AP3S2: variants seen among roughly 807,000 people sequenced by gnomAD.
AP3S2 encodes the protein AP-3 complex subunit sigma-2.
A neutral mutation model predicts 23.4 loss-of-function variants in AP3S2; 22 were observed. The ratio of observed to expected loss-of-function variants is 0.94; its 90% CI spans 0.67 to 1.34. The LOEUF is 1.34. AP3S2 is among the 40% of genes most tolerant of loss of function. AP3S2 has a pLI of 0.00. For missense variants in AP3S2, 241 were observed against 236.9 expected (o/e 1.02, Z -0.11); for synonymous variants, 86 against 87.1 (o/e 0.99, Z 0.07).
chr15:89,835,329 G>T lies in AP3S2; in HGVS notation c.*186C>A. On this transcript the variant is annotated 3_prime_UTR_variant, in exon 6 of 6. Transcript: ENST00000336418. ...ATGACTGCACATGTGAGAACTGGGT[G>T]CACCCGAGCAGTGTCAATAGGAATC... 1.0e-6 allele frequency: 1 copy of T among 978,310 alleles called. No homozygotes were observed. Among genetic ancestry groups the T allele is most frequent in the Non-Finnish European group, 1.5e-6 (1 of 679,006 alleles). 60.6% of individuals were successfully genotyped at this position (978,310 alleles called of 1,614,324 possible).
intron 4 of AP3S2, among the ~76,000 whole-genome samples, chr15:89,853,078 T>A (rs1895698967): frequency 6.6e-6 from 1 of 152,312 alleles, no homozygotes; most frequent in Non-Finnish European, 1.5e-5. Context: ...TCAGTGTCAC[T>A]GAACTATCAT....
intron 1 of AP3S2, among the ~76,000 whole-genome samples, chr15:89,891,170 A>C (rs1024399270): frequency 1.3e-5 from 2 of 152,194 alleles, no homozygotes; most frequent in African/African-American, 4.8e-5. Flanking sequence ...ATAAAAAGGT[A>C]AACTACCAAT....
chr15:89,892,459 C>T (rs889837063), intron 1 of AP3S2, among the ~76,000 whole-genome samples: 2 of 152,008 alleles, frequency 1.3e-5, no homozygotes, highest in Admixed American at 6.6e-5. Context: ...ATTGCTTGAG[C>T]CCAGGAGTTC....
At chr15:89,867,923 G>C (rs1201927942) in intron 4 of AP3S2, among the ~76,000 whole-genome samples, 1 of 146,712 alleles carries the variant, frequency 6.8e-6, no homozygotes, top group Non-Finnish European at 1.5e-5. Context: ...AGGGAGGTGG[G>C]GGGGGTCAGC....
intron 3 of AP3S2, chr15:89,877,446 A>G (rs1239697697): frequency 2.1e-5 from 26 of 1,233,548 alleles, no homozygotes; most frequent in African/African-American, 3.1e-5. Context: ...TACACGTAAC[A>G]TAAAATTTAC....
At chr15:89,840,911 C>G (rs1455526267) in intron 4 of AP3S2, among the ~76,000 whole-genome samples, 9 of 152,216 alleles carry the variant, frequency 5.9e-5, no homozygotes, top group Admixed American at 5.9e-4. Flanking sequence ...ATCCCTGACC[C>G]CTAGTCCACA....
At chr15:89,874,236 C>A (rs777295199) in intron 3 of AP3S2, among the ~76,000 whole-genome samples, 5 of 151,696 alleles carry the variant, frequency 3.3e-5, no homozygotes, top group Non-Finnish European at 7.4e-5. Context: ...AGGTTTTCCG[C>A]AGATGTCTGA....
Position 89,871,468 on chromosome 15 carries a change from AAT to A in AP3S2, c.345+5_345+6del, listed in dbSNP as rs1896317199. The A allele has an allele frequency of 1.2e-6, 2 of 1,612,940 alleles. No individual in the cohort carries two copies. The highest frequency in any genetic ancestry group is 2.2e-5 in the South Asian group (2 of 90,790). On this transcript the variant is annotated splice_donor_5th_base_variant and intron_variant, in intron 4 of 5. Coordinates refer to ENST00000336418, the MANE Select transcript of AP3S2 (RefSeq NM_005829.5). ...CTAGTTTGGAAGAGAACTGCAAGAGAATATACCTTATCCATATGGAAGATCAA... is the reference window on the plus strand; with the variant it reads ...CTAGTTTGGAAGAGAACTGCAAGAGAATACCTTATCCATATGGAAGATCAA...
chr15:89,888,257 T>C (rs1896743626), intron 3 of AP3S2, among the ~76,000 whole-genome samples: 2 of 152,140 alleles, frequency 1.3e-5, no homozygotes, highest in Admixed American at 6.5e-5. Flanking sequence ...AGACAATCTG[T>C]AAGCAGACTG....
At chr15:89,885,610 A>C (rs999910608) in intron 3 of AP3S2, among the ~76,000 whole-genome samples, 1 of 152,164 alleles carries the variant, frequency 6.6e-6, no homozygotes, top group Non-Finnish European at 1.5e-5. Context: ...TATCTTCTTT[A>C]TATCAATTAG....
At chr15:89,855,945 T>TAAAAA (rs34784306) in intron 4 of AP3S2, among the ~76,000 whole-genome samples, 34 of 111,780 alleles carry the variant, frequency 3.0e-4, no homozygotes, top group East Asian at 5.2e-4. Context: ...ATATGTCCTT[T>TAAAAA]AAAAAAAAAA....
At chr15:89,880,125 G>A (rs1218950538) in intron 3 of AP3S2, among the ~76,000 whole-genome samples, 3 of 151,508 alleles carry the variant, frequency 2.0e-5, no homozygotes, top group Non-Finnish European at 2.9e-5. Context: ...TCTGGGTGAC[G>A]AAGTGAGACT....
intron 5 of AP3S2, among the ~76,000 whole-genome samples, chr15:89,836,253 C>T (rs1895188937): frequency 6.6e-6 from 1 of 152,188 alleles, no homozygotes. Context: ...CAGCCCCAGC[C>T]TCTCACAGTA....
chr15:89,850,090 A>G (rs1895608672), intron 4 of AP3S2, among the ~76,000 whole-genome samples: 1 of 152,216 alleles, frequency 6.6e-6, no homozygotes, highest in Non-Finnish European at 1.5e-5. Flanking sequence ...TCAGGCACAT[A>G]GAGCTGTCTG....
At chr15:89,892,539 A>C (rs1312048865) in intron 1 of AP3S2, among the ~76,000 whole-genome samples, 2 of 152,198 alleles carry the variant, frequency 1.3e-5, no homozygotes, top group African/African-American at 2.4e-5. Context: ...ATAAGTAAAC[A>C]GTATGGCATG....
chr15:89,855,534 AT>A (rs749128590), intron 4 of AP3S2, among the ~76,000 whole-genome samples: 1 of 113,434 alleles, frequency 8.8e-6, no homozygotes, highest in Admixed American at 1.0e-4. Flanking sequence ...AAAAGAATAA[AT>A]TAAAAAAAAA....
At chr15:89,846,980 C>A (rs1286813602) in intron 4 of AP3S2, among the ~76,000 whole-genome samples, 2 of 152,048 alleles carry the variant, frequency 1.3e-5, no homozygotes, top group African/African-American at 4.8e-5. Flanking sequence ...CTCATTTTTT[C>A]TTTTCTAGGA....
intron 3 of AP3S2, among the ~76,000 whole-genome samples, chr15:89,879,037 C>T (rs1896509883): frequency 6.6e-6 from 1 of 152,252 alleles, no homozygotes; most frequent in African/African-American, 2.4e-5. Context: ...TGGGCCGCCG[C>T]ACCCAGCCAG....
chr15:89,871,992 G>T (rs1000882797), intron 3 of AP3S2, among the ~76,000 whole-genome samples: 4 of 151,800 alleles, frequency 2.6e-5, no homozygotes, highest in African/African-American at 9.7e-5. Flanking sequence ...GCCTGTTATA[G>T]TCCCAGCTAC....
Sources: gnomAD v4.1 joint callset for allele counts (sites outside exome capture counted in the v4.1 genomes callset) on GRCh38, gnomAD v4.1.1 for gene constraint, MANE v1.5 for transcripts, NCBI Gene and HGNC (gene_info 2026-07-23, HGNC 2026-07-21) for gene names.